Variants in TEX9 observed in about 807,000 individuals in gnomAD.
The protein encoded by TEX9 is testis-expressed protein 9.
TEX9 carries 74 observed loss-of-function variants against 59.6 expected under a neutral mutation model. The ratio of observed to expected loss-of-function variants is 1.24; its 90% CI spans 1.03 to 1.51. The LOEUF is 1.51. TEX9 is among the 40% of genes most tolerant of loss of function. TEX9 has a pLI of 0.00. For synonymous variants in TEX9, 186 were observed against 152.2 expected (o/e 1.22, Z -1.64); for missense variants, 522 against 447.8 (o/e 1.17, Z -1.49).
At chr15:56,321,617 T>C (rs1227345827) in intron 1 of TEX9, among the ~76,000 whole-genome samples, 1 of 152,194 alleles carries the variant, frequency 6.6e-6, no homozygotes, top group Non-Finnish European at 1.5e-5. Flanking sequence ...AGGAGGAATC[T>C]GAGCCAAGCC....
At chr15:56,304,621 A>G (rs1053406280) in intron 1 of TEX9, among the ~76,000 whole-genome samples, 10 of 152,186 alleles carry the variant, frequency 6.6e-5, no homozygotes, top group African/African-American at 2.4e-4. Flanking sequence ...CATAGTCATG[A>G]TGAATGATCT....
At chr15:56,361,321 T>C (rs956782846), upstream of TEX9, among the ~76,000 whole-genome samples, 4 of 152,226 alleles carry the variant, frequency 2.6e-5, no homozygotes, top group Non-Finnish European at 2.9e-5. Flanking sequence ...TTTCTTCTTT[T>C]CTAATATATG....
chr15:56,375,188 C>T (rs2047377703), intron 3 of TEX9, among the ~76,000 whole-genome samples: 1 of 152,110 alleles, frequency 6.6e-6, no homozygotes. Flanking sequence ...TGTTTCCTGA[C>T]TTTTTAATGA....
exon 11 of TEX9, chr15:56,427,725 T>C: frequency 6.7e-7 from 1 of 1,489,784 alleles, no homozygotes; most frequent in East Asian, 2.5e-5. Flanking sequence ...AATTGATGTT[T>C]TAAAAAGGCA....
intron 1 of TEX9, among the ~76,000 whole-genome samples, chr15:56,274,349 G>A (rs1440637682): frequency 2.0e-5 from 3 of 152,090 alleles, no homozygotes; most frequent in Non-Finnish European, 2.9e-5. Context: ...CTGCTGAAAT[G>A]CTGTCTTTTT....
intron 10 of TEX9, 51 bp from the exon 11 acceptor site, chr15:56,427,554 C>T: frequency 8.0e-7 from 1 of 1,246,112 alleles, no homozygotes; most frequent in Non-Finnish European, 1.1e-6. Flanking sequence ...ATAATTCTTT[C>T]CATTGAGGCT....
chr15:56,316,693 G>T (rs377514574), intron 1 of TEX9, among the ~76,000 whole-genome samples: 27 of 152,176 alleles, frequency 1.8e-4, no homozygotes, highest in South Asian at 1.5e-3. Flanking sequence ...TGGAGCTTCC[G>T]GGCTGCTTTG....
chr15:56,294,308 T>A (rs1358084745), intron 1 of TEX9, among the ~76,000 whole-genome samples: 1 of 152,220 alleles, frequency 6.6e-6, no homozygotes, highest in African/African-American at 2.4e-5. Context: ...TTCTTGTCTT[T>A]TCCTTCCTTT....
chr15:56,326,443 T>C (rs1409963068), intron 1 of TEX9, among the ~76,000 whole-genome samples: 2 of 152,210 alleles, frequency 1.3e-5, no homozygotes, highest in Non-Finnish European at 2.9e-5. Flanking sequence ...TTATAAAACA[T>C]TTAATATAAA....
chr15:56,307,610 C>A (rs149074550), intron 1 of TEX9, among the ~76,000 whole-genome samples: 1 of 152,068 alleles, frequency 6.6e-6, no homozygotes, highest in African/African-American at 2.4e-5. Context: ...TAAAATTCAC[C>A]CTTTTAAATC....
chr15:56,329,746 G>A lies in TEX9; in HGVS notation c.-106-43695G>A, dbSNP rs532563118. 2.8e-4 allele frequency among the ~76,000 whole-genome samples: 42 copies of A among 152,142 alleles called. 1 individual carries two copies. In the South Asian group the frequency reaches 8.7e-3, roughly 32 times the overall value. ...GGCTATTTGAAAATACACAGTTAGA[G>A]GAGACAAAAGAAAAAAGAATAAAAA... On this transcript the variant is annotated intron_variant, in intron 1 of 5. Transcript: ENST00000560827.
intron 1 of TEX9, among the ~76,000 whole-genome samples, chr15:56,256,506 C>T (rs1452893753): frequency 6.6e-6 from 1 of 151,258 alleles, no homozygotes; most frequent in Admixed American, 6.6e-5. Flanking sequence ...GAAAAAAATA[C>T]ATAAAGTAGA....
At chr15:56,291,631 A>T (rs1377037693) in intron 1 of TEX9, among the ~76,000 whole-genome samples, 3 of 152,158 alleles carry the variant, frequency 2.0e-5, no homozygotes, top group African/African-American at 7.2e-5. Context: ...TGTCCAGCAG[A>T]TCTCTCTTGA....
chr15:56,256,276 C>T (rs539765223), intron 1 of TEX9, among the ~76,000 whole-genome samples: 7 of 151,976 alleles, frequency 4.6e-5, no homozygotes, highest in East Asian at 1.9e-4. Flanking sequence ...CTAAATAACC[C>T]GGCCAAGGGC....
intron 3 of TEX9, among the ~76,000 whole-genome samples, chr15:56,377,154 A>G (rs1196086608): frequency 1.3e-5 from 2 of 152,174 alleles, no homozygotes; most frequent in Non-Finnish European, 2.9e-5. Context: ...TTTGGTTACT[A>G]TAGCACCATA....
chr15:56,459,990 CA>C, the TEX9 span, among the ~76,000 whole-genome samples: 1,365 of 11,160 alleles, frequency 0.12, 137 homozygotes, highest in Admixed American at 0.27. Context: ...AATTCTGTCT[CA>C]AAAAAAAAAA....
intron 1 of TEX9, among the ~76,000 whole-genome samples, chr15:56,344,286 A>C (rs1257398402): frequency 6.6e-6 from 1 of 152,218 alleles, no homozygotes; most frequent in Non-Finnish European, 1.5e-5. Context: ...TCAACTGATG[A>C]ATGGATAAAT....
chr15:56,402,235 G>C (rs1028453972), intron 9 of TEX9, among the ~76,000 whole-genome samples: 1 of 151,990 alleles, frequency 6.6e-6, no homozygotes, highest in Non-Finnish European at 1.5e-5. Flanking sequence ...TTGTTAGACC[G>C]CTAGCAAGAC....
chr15:56,401,961 C>T (rs2048809347), intron 9 of TEX9, among the ~76,000 whole-genome samples: 1 of 152,188 alleles, frequency 6.6e-6, no homozygotes, highest in South Asian at 2.1e-4. Context: ...ATACCAGAAT[C>T]TCTGAGACAC....
Sources: gnomAD v4.1 joint callset for allele counts (sites outside exome capture counted in the v4.1 genomes callset) on GRCh38, gnomAD v4.1.1 for gene constraint, MANE v1.5 for transcripts, NCBI Gene and HGNC (gene_info 2026-07-23, HGNC 2026-07-21) for gene names.